DCC: variants seen among roughly 807,000 people sequenced by gnomAD.
The protein encoded by DCC is netrin receptor DCC.
A neutral mutation model predicts 172.5 loss-of-function variants in DCC; 58 were observed. The observed-to-expected ratio is 0.34, with a 90% CI of 0.27 to 0.42. The LOEUF (loss-of-function observed/expected upper bound fraction) is 0.42, where lower values mean the gene tolerates loss of function less well. DCC is among the 10% of genes least tolerant of loss of function. DCC has a pLI of 1.00. For synonymous variants in DCC, 709 were observed against 644.5 expected (o/e 1.10, Z -1.52); for missense variants, 1,740 against 1,791.0 (o/e 0.97, Z 0.51).
chr18:52,762,520 T>A (rs1749167082), intron 2 of DCC, among the ~76,000 whole-genome samples: 1 of 151,452 alleles, frequency 6.6e-6, no homozygotes, highest in Non-Finnish European at 1.5e-5. Context: ...AAAAAATATT[T>A]GATAGGTCTC....
chr18:52,578,618 G>A (rs2033471678), intron 1 of DCC, among the ~76,000 whole-genome samples: 1 of 152,032 alleles, frequency 6.6e-6, no homozygotes, highest in Admixed American at 6.6e-5. Context: ...TTTCAATGAA[G>A]TTTTATTTTT....
At chr18:53,054,883 A>G (rs1332772268) in intron 5 of DCC, among the ~76,000 whole-genome samples, 3 of 152,174 alleles carry the variant, frequency 2.0e-5, no homozygotes, top group Non-Finnish European at 2.9e-5. Context: ...TTATTTCTCT[A>G]GGATTATTAA....
chr18:53,308,961 G>T (rs1318560751), intron 13 of DCC, among the ~76,000 whole-genome samples: 4 of 152,142 alleles, frequency 2.6e-5, no homozygotes, highest in Middle Eastern at 6.8e-3. Flanking sequence ...GTCTTCCTTG[G>T]CTTGTAGATG....
chr18:52,995,489 T>A (rs2041463448), intron 5 of DCC, among the ~76,000 whole-genome samples: 1 of 152,090 alleles, frequency 6.6e-6, no homozygotes, highest in Non-Finnish European at 1.5e-5. Context: ...TTTTTTGTTT[T>A]TTTTTTTCTA....
intron 12 of DCC, among the ~76,000 whole-genome samples, chr18:53,230,954 G>A (rs1158530349): frequency 6.6e-6 from 1 of 151,694 alleles, no homozygotes; most frequent in Non-Finnish European, 1.5e-5. Context: ...ATGCAGATAT[G>A]TAGATTTGCC....
At chr18:52,734,378 C>T (rs1000513667) in intron 1 of DCC, among the ~76,000 whole-genome samples, 6 of 152,072 alleles carry the variant, frequency 3.9e-5, no homozygotes, top group Non-Finnish European at 8.8e-5. Flanking sequence ...AGCCTGTCCC[C>T]GTATCATACA....
At chr18:52,758,114 A>G (rs1180208238) in intron 2 of DCC, among the ~76,000 whole-genome samples, 7 of 152,220 alleles carry the variant, frequency 4.6e-5, no homozygotes, top group Admixed American at 3.3e-4. Flanking sequence ...GGGAAACACT[A>G]TGATTTAGAT....
chr18:52,989,908 C>T (rs1396979290), intron 5 of DCC, among the ~76,000 whole-genome samples: 1 of 152,158 alleles, frequency 6.6e-6, no homozygotes, highest in African/African-American at 2.4e-5. Flanking sequence ...CCACTCACTG[C>T]ACAGGTAGAG....
At chr18:53,465,904 A>G (rs1247538531) in intron 24 of DCC, among the ~76,000 whole-genome samples, 2 of 152,038 alleles carry the variant, frequency 1.3e-5, no homozygotes, top group African/African-American at 4.8e-5. Context: ...AGCTGGGACT[A>G]CAGGCATATG....
rs151016734 is a variant in DCC, at chr18:52,499,018, C to T, written c.91+158140C>T. On this transcript the variant is annotated intron_variant, in intron 1 of 28. Coordinates refer to ENST00000442544, the MANE Select transcript of DCC (RefSeq NM_005215.4). ...TCTTCTCTCTGACATCTTCTCTGAC[C>T]GTACCACCCGGAATCATTTTCCTGT... 8.0e-4 allele frequency among the ~76,000 whole-genome samples: 122 copies of T among 152,280 alleles called. 3 individuals are homozygous for T. The South Asian group carries it at 0.017, about 22-fold the overall frequency.
chr18:52,688,482 C>T (rs973928390), intron 1 of DCC, among the ~76,000 whole-genome samples: 2 of 151,776 alleles, frequency 1.3e-5, no homozygotes, highest in Non-Finnish European at 2.9e-5. Flanking sequence ...AAAAATGCTA[C>T]AAAAAGAAGG....
At chr18:53,466,819 C>T (rs1041955251) in intron 24 of DCC, among the ~76,000 whole-genome samples, 2 of 152,144 alleles carry the variant, frequency 1.3e-5, no homozygotes, top group Non-Finnish European at 2.9e-5. Context: ...AGCCACCATG[C>T]CTGGCCAGGT....
intron 7 of DCC, among the ~76,000 whole-genome samples, chr18:53,071,778 CATT>C (rs1445675088): frequency 2.6e-5 from 4 of 152,114 alleles, no homozygotes; most frequent in Admixed American, 2.6e-4. Flanking sequence ...CTAAATAAGA[CATT>C]ATTACTGCAA....
intron 1 of DCC, among the ~76,000 whole-genome samples, chr18:52,506,933 A>G (rs2031250877): frequency 6.6e-6 from 1 of 152,176 alleles, no homozygotes; most frequent in African/African-American, 2.4e-5. Context: ...AAATAATCGT[A>G]TTTAAAGTTC....
intron 25 of DCC, among the ~76,000 whole-genome samples, chr18:53,472,696 G>C (rs1035840561): frequency 3.9e-5 from 6 of 151,916 alleles, no homozygotes; most frequent in African/African-American, 9.7e-5. Flanking sequence ...CATCTAAACT[G>C]CCAAGACAGC....
intron 9 of DCC, among the ~76,000 whole-genome samples, chr18:53,189,949 G>C (rs144132849): frequency 6.6e-6 from 1 of 152,082 alleles, no homozygotes; most frequent in Non-Finnish European, 1.5e-5. Context: ...ATTTTGAGAC[G>C]GAGTTTCACT....
At chr18:52,942,100 A>G (rs2040473278) in intron 5 of DCC, among the ~76,000 whole-genome samples, 1 of 152,114 alleles carries the variant, frequency 6.6e-6, no homozygotes, top group African/African-American at 2.4e-5. Context: ...TGATTTTTAA[A>G]AGTAATTACT....
chr18:52,742,052 G>A (rs899666156), intron 1 of DCC, among the ~76,000 whole-genome samples: 4 of 152,098 alleles, frequency 2.6e-5, no homozygotes, highest in Non-Finnish European at 5.9e-5. Flanking sequence ...CAAAGAAGAG[G>A]TCATGTGAGC....
intron 10 of DCC, among the ~76,000 whole-genome samples, chr18:53,206,318 TA>T (rs2055634173): frequency 1.1e-5 from 1 of 91,136 alleles, no homozygotes; most frequent in Non-Finnish European, 2.2e-5. Flanking sequence ...TATATACATA[TA>T]TGTATTGTAA....
Sources: allele counts gnomAD v4.1 joint callset (sites outside exome capture counted in the v4.1 genomes callset), GRCh38; gene constraint gnomAD v4.1.1; transcripts MANE v1.5; gene names NCBI Gene and HGNC (gene_info 2026-07-23, HGNC 2026-07-21).